ANOS1: variants seen among roughly 807,000 people sequenced by gnomAD.
ANOS1 encodes the protein anosmin-1.
ANOS1 carries 6 observed loss-of-function variants against 59.0 expected under a neutral mutation model. The observed-to-expected ratio is 0.10, with a 90% CI of 0.06 to 0.20. ANOS1 has a LOEUF of 0.20. Among genes scored for constraint, ANOS1 ranks in the 10% least tolerant of loss-of-function variants. The probability of loss-of-function intolerance (pLI) is 1.00; values close to 1 mark genes in which losing one functional copy is unlikely to be tolerated. For synonymous variants in ANOS1, 217 were observed against 223.4 expected (o/e 0.97, Z 0.25); for missense variants, 433 against 542.3 (o/e 0.80, Z 2.00).
chrX:8,706,115 T>C (rs542387057), intron 1 of ANOS1, among the ~76,000 whole-genome samples: 5 of 112,360 alleles, frequency 4.4e-5, no homozygotes, highest in Admixed American at 2.8e-4. Context: ...AAACACATCA[T>C]TCATGCAAAG....
intron 3 of ANOS1, among the ~76,000 whole-genome samples, chrX:8,599,186 G>C (rs1440271904): frequency 8.9e-6 from 1 of 112,123 alleles, no homozygotes; most frequent in African/African-American, 3.2e-5. Flanking sequence ...AACCATTCAG[G>C]GTACCTGAAC....
In ANOS1 at chrX:8,722,844, A is replaced by G. The variant is rs185609454; in HGVS notation, c.207+8986T>C. On this transcript the variant is annotated intron_variant, in intron 1 of 13. Coordinates refer to ENST00000262648, the MANE Select transcript of ANOS1 (RefSeq NM_000216.4). ...AGTGGTGTAGAAGTGTTCCCTTTTC[A>G]CTGCATCCATGTCAACATCTATTAT... Among the ~76,000 whole-genome samples, 19 of 111,883 alleles carry G rather than the reference A, an allele frequency of 1.7e-4. No homozygotes were observed. In the Admixed American group the frequency reaches 1.8e-3, roughly 11 times the overall value.
chrX:8,553,649 A>C lies in ANOS1; in HGVS notation c.1354+303T>G, dbSNP rs1414909467. Among the ~76,000 whole-genome samples the C allele has an allele frequency of 2.7e-5, 3 of 111,753 alleles. No individual in the cohort carries two copies. In the East Asian group the frequency reaches 8.4e-4, roughly 31 times the overall value. ...GATCTTTAAAAAATAATAATTAATAATTTATAACAAAAATTACAGCTCAAA... is the reference window on the plus strand; with the variant it reads ...GATCTTTAAAAAATAATAATTAATACTTTATAACAAAAATTACAGCTCAAA... On this transcript the variant is annotated intron_variant, in intron 9 of 13. Transcript: ENST00000262648.
intron 4 of ANOS1, among the ~76,000 whole-genome samples, chrX:8,596,329 A>G (rs1194798318): frequency 9.0e-6 from 1 of 111,183 alleles, no homozygotes; most frequent in Admixed American, 9.6e-5. Context: ...ACAAAATGTT[A>G]TATGTCACGG....
At chrX:8,576,606 C>G (rs1245053950) in intron 6 of ANOS1, among the ~76,000 whole-genome samples, 2 of 109,941 alleles carry the variant, frequency 1.8e-5, no homozygotes, top group Non-Finnish European at 1.9e-5. Context: ...TTATAAAGCC[C>G]TAAGGAATTT....
intron 7 of ANOS1, 88 bp from the exon 8 acceptor site, chrX:8,568,464 G>T: frequency 1.2e-6 from 1 of 855,996 alleles, no homozygotes; most frequent in Non-Finnish European, 1.7e-6. Flanking sequence ...TCATTATGAA[G>T]CATGCCAACT....
intron 8 of ANOS1, among the ~76,000 whole-genome samples, chrX:8,560,306 G>A (rs1379637040): frequency 9.0e-6 from 1 of 111,375 alleles, no homozygotes; most frequent in Non-Finnish European, 1.9e-5. Flanking sequence ...CTTGGTTGGG[G>A]TGGTGAATTT....
At chrX:8,580,807 TAAA>T (rs944363728) in intron 6 of ANOS1, among the ~76,000 whole-genome samples, 1 of 111,411 alleles carries the variant, frequency 9.0e-6, no homozygotes, top group African/African-American at 3.3e-5. Flanking sequence ...AAAATAAAAA[TAAA>T]AACCCTTCCT....
chrX:8,623,280 C>T (rs773299999), intron 3 of ANOS1, among the ~76,000 whole-genome samples: 6 of 111,322 alleles, frequency 5.4e-5, no homozygotes, highest in Non-Finnish European at 1.1e-4. Context: ...GGCATGAATA[C>T]TTCAAAAGCA....
rs143780996 is a variant in ANOS1 at position 8,629,108 on chromosome X, G to A, written c.256-5438C>T. Reference sequence around the variant, plus strand: ...CACTAAAAATTAAAAAACTAGCTGGGCATAGTAGTGTGCACCTGTAGTCCC... The same window carrying A: ...CACTAAAAATTAAAAAACTAGCTGGACATAGTAGTGTGCACCTGTAGTCCC... On this transcript the variant is annotated intron_variant, in intron 2 of 13. Coordinates refer to ENST00000262648, the MANE Select transcript of ANOS1 (RefSeq NM_000216.4). Among the ~76,000 whole-genome samples, 781 of 111,116 alleles carry A rather than the reference G, an allele frequency of 7.0e-3. 9 individuals are homozygous for A. The highest frequency in any genetic ancestry group is 0.024 in the African/African-American group (746 of 30,524).
At chrX:8,549,438 A>G (rs1347202693) in intron 9 of ANOS1, among the ~76,000 whole-genome samples, 1 of 112,461 alleles carries the variant, frequency 8.9e-6, no homozygotes, top group East Asian at 2.8e-4. Flanking sequence ...TCTTCTGCCA[A>G]ATTTAATAAG....
At position 8,699,566 on chromosome X, in the gene ANOS1, T is replaced by G. The variant is rs778059070; in HGVS notation, c.255+132A>C. 13 of 435,327 alleles carry G rather than the reference T, an allele frequency of 3.0e-5. 1 individual carries two copies. The highest frequency in any genetic ancestry group is 2.7e-4 in the African/African-American group (11 of 40,191). 35.9% of individuals were successfully genotyped at this position (435,327 alleles called of 1,213,427 possible). ...TGCTTTTGATATTGTTTACAATTACTTAAAGTGTAACCATTGGTGGAAACT... is the reference window on the plus strand; with the variant it reads ...TGCTTTTGATATTGTTTACAATTACGTAAAGTGTAACCATTGGTGGAAACT... On this transcript the variant is annotated intron_variant, in intron 2 of 13. Coordinates refer to ENST00000262648, the MANE Select transcript of ANOS1 (RefSeq NM_000216.4).
At chrX:8,639,055 A>G (rs1423169823) in intron 2 of ANOS1, among the ~76,000 whole-genome samples, 1 of 111,955 alleles carries the variant, frequency 8.9e-6, no homozygotes, top group African/African-American at 3.2e-5. Context: ...AATTACTTCA[A>G]AAAGACAGCA....
rs149145899 is a variant in ANOS1 at position 8,601,328 on chromosome X, T to C, written c.319-4072A>G. On this transcript the variant is annotated intron_variant, in intron 3 of 13. Coordinates refer to ENST00000262648, the MANE Select transcript of ANOS1 (RefSeq NM_000216.4). ...CAACTCAGTTCATACTCTTCATCTA[T>C]GAAAACAGAGTATGAGTCAAGAATC... Among the ~76,000 whole-genome samples the C allele has an allele frequency of 6.3e-3, 709 of 111,766 alleles. 6 individuals are homozygous for C. The highest frequency in any genetic ancestry group is 0.022 in the African/African-American group (675 of 30,813).
rs145823754 is a variant in ANOS1 at position 8,585,723 on chromosome X, C to T, written c.727-327G>A. ...TTTATGTATAGTAATTGTTACATTACAGCAAGAAGATGAAATCATCTTCAG... is the reference window on the plus strand; with the variant it reads ...TTTATGTATAGTAATTGTTACATTATAGCAAGAAGATGAAATCATCTTCAG... On this transcript the variant is annotated intron_variant, in intron 5 of 13. Transcript: ENST00000262648. Among the ~76,000 whole-genome samples the T allele has an allele frequency of 0.012, 1,297 of 112,370 alleles. 21 individuals carry two copies. The highest frequency in any genetic ancestry group is 0.04 in the African/African-American group (1,237 of 30,946).
At chrX:8,548,379 G>A (rs7053888) in intron 9 of ANOS1, among the ~76,000 whole-genome samples, 1 of 111,792 alleles carries the variant, frequency 8.9e-6, no homozygotes, top group South Asian at 3.7e-4. Context: ...ATTCCAAACT[G>A]TTTGGGAGGA....
chrX:8,648,444 A>C (rs1364357150), intron 2 of ANOS1, among the ~76,000 whole-genome samples: 5 of 101,244 alleles, frequency 4.9e-5, no homozygotes, highest in Non-Finnish European at 9.7e-5. Flanking sequence ...CTGGGGGACA[A>C]GGCAAAATTC....
At chrX:8,560,467 A>G (rs1027744186) in intron 8 of ANOS1, among the ~76,000 whole-genome samples, 2 of 112,214 alleles carry the variant, frequency 1.8e-5, no homozygotes, top group African/African-American at 6.5e-5. Context: ...CTCTCTCCCA[A>G]CTACTCAATT....
intron 1 of ANOS1, among the ~76,000 whole-genome samples, chrX:8,709,585 C>T (rs1392616320): frequency 2.7e-5 from 3 of 111,877 alleles, no homozygotes; most frequent in Non-Finnish European, 5.6e-5. Flanking sequence ...CATTCTTCAC[C>T]ATGGTTATCT....
Sources: gnomAD v4.1 joint callset for allele counts (sites outside exome capture counted in the v4.1 genomes callset) on GRCh38, gnomAD v4.1.1 for gene constraint, MANE v1.5 for transcripts, NCBI Gene and HGNC (gene_info 2026-07-23, HGNC 2026-07-21) for gene names.